CLNS1A: variants seen among roughly 807,000 people sequenced by gnomAD.
CLNS1A encodes methylosome subunit pICln.
CLNS1A carries 16 observed loss-of-function variants against 29.4 expected under a neutral mutation model. The ratio of observed to expected loss-of-function variants is 0.54; its 90% confidence interval spans 0.37 to 0.83. The LOEUF (loss-of-function observed/expected upper bound fraction) is 0.83, where lower values mean the gene tolerates loss of function less well. Among genes scored for constraint, CLNS1A ranks in the 40% least tolerant of loss-of-function variants. CLNS1A has a pLI of 0.00. For synonymous variants in CLNS1A, 96 were observed against 104.8 expected (o/e 0.92, Z 0.51); for missense variants, 235 against 287.4 (o/e 0.82, Z 1.32).
intron 6 of CLNS1A, among the ~76,000 whole-genome samples, chr11:77,617,399 G>A (rs917945329): frequency 4.8e-5 from 7 of 144,816 alleles, no homozygotes; most frequent in Non-Finnish European, 7.5e-5. Context: ...AAAATTAGCC[G>A]GGTGTGGTGG....
chr11:77,635,111 T>G (rs1226405464), intron 1 of CLNS1A, among the ~76,000 whole-genome samples: 1 of 152,194 alleles, frequency 6.6e-6, no homozygotes. Context: ...AGGCTAAGAA[T>G]TTTTTAAAAG....
At chr11:77,636,700 T>C (rs1959129321) in intron 1 of CLNS1A, among the ~76,000 whole-genome samples, 1 of 152,176 alleles carries the variant, frequency 6.6e-6, no homozygotes. Flanking sequence ...ATCCTGGATT[T>C]TACAGGTGGT....
At chr11:77,631,518 C>T (rs959504792) in intron 1 of CLNS1A, among the ~76,000 whole-genome samples, 2 of 151,622 alleles carry the variant, frequency 1.3e-5, no homozygotes, top group African/African-American at 4.8e-5. Flanking sequence ...GGGGTTTCAC[C>T]GTGTTAGCCA....
intron 1 of CLNS1A, among the ~76,000 whole-genome samples, chr11:77,636,524 C>T (rs1959127459): frequency 6.6e-6 from 1 of 152,162 alleles, no homozygotes; most frequent in Non-Finnish European, 1.5e-5. Flanking sequence ...CCCTTTAAAG[C>T]AGAGGTTCTT....
intron 1 of CLNS1A, among the ~76,000 whole-genome samples, chr11:77,636,364 G>A (rs937353955): frequency 5.3e-5 from 8 of 152,084 alleles, no homozygotes; most frequent in African/African-American, 1.2e-4. Flanking sequence ...CACCGCGCCC[G>A]GCCCAACACG....
intron 6 of CLNS1A, 159 bp downstream of exon 6, chr11:77,619,447 G>C: frequency 3.4e-6 from 2 of 585,666 alleles, no homozygotes; most frequent in Non-Finnish European, 3.1e-6. Context: ...CAGGTGGATT[G>C]CTTGAGTTCA....
chr11:77,627,292 A>C (rs1480519554), intron 2 of CLNS1A, among the ~76,000 whole-genome samples: 2 of 151,294 alleles, frequency 1.3e-5, no homozygotes, highest in African/African-American at 4.9e-5. Flanking sequence ...AAAAAAAATT[A>C]GCGGGGCGTG....
intron 1 of CLNS1A, among the ~76,000 whole-genome samples, chr11:77,636,420 T>C (rs1027095717): frequency 1.3e-5 from 2 of 152,228 alleles, no homozygotes; most frequent in Admixed American, 1.3e-4. Context: ...AAACTCATTA[T>C]CTGCCTCTCA....
Position 77,637,703 on chromosome 11 carries a change from G to A in CLNS1A, c.12C>T (p.Leu4=), listed in dbSNP as rs1481581967. ...CTGGCCCAGGCGGCGGGAAACTTTT[G>A]AGGAAGCTCATAGCAGCAGAGTGCG... MSF[L]KSFPPPGPAE... is the part of the protein sequence containing the mutation. Residue 4 remains leucine, a synonymous_variant, in exon 1 of 7, where the codon CTC becomes CTT. Coordinates refer to ENST00000525428, the MANE Select transcript of CLNS1A (RefSeq NM_001293.3). The A allele has an allele frequency of 3.9e-6, 6 of 1,558,068 alleles. No individual in the cohort carries two copies. The East Asian group carries it at 1.2e-4, about 31-fold the overall frequency.
intron 1 of CLNS1A, among the ~76,000 whole-genome samples, chr11:77,632,563 T>G (rs1310170874): frequency 6.6e-6 from 1 of 152,184 alleles, no homozygotes; most frequent in Non-Finnish European, 1.5e-5. Flanking sequence ...GGATTATGCA[T>G]TCTATAGGAC....
At chr11:77,625,856 C>A in intron 2 of CLNS1A, 38 bp from the exon 3 acceptor site, 1 of 1,439,838 alleles carries the variant, frequency 6.9e-7, no homozygotes, top group Non-Finnish European at 9.5e-7. Context: ...CATTATTTGA[C>A]TTTAAAAAAA....
intron 1 of CLNS1A, among the ~76,000 whole-genome samples, chr11:77,630,291 G>A (rs1590802155): frequency 6.6e-6 from 1 of 152,056 alleles, no homozygotes; most frequent in Non-Finnish European, 1.5e-5. Flanking sequence ...TTTCTGATTT[G>A]CAAATTTTAG....
chr11:77,632,128 T>C (rs573311972), intron 1 of CLNS1A, among the ~76,000 whole-genome samples: 19 of 152,200 alleles, frequency 1.2e-4, no homozygotes, highest in Non-Finnish European at 2.9e-5. Context: ...CAAAGAAACA[T>C]TGTATTATGT....
In CLNS1A at chr11:77,622,691, T is replaced by C; in HGVS notation, c.473-18A>G. 1 of 1,539,096 alleles carries C rather than the reference T, an allele frequency of 6.5e-7. No individual in the cohort carries two copies. Among genetic ancestry groups the C allele is most frequent in the Non-Finnish European group, 8.7e-7 (1 of 1,146,034 alleles). On this transcript the variant is annotated intron_variant, in intron 4 of 6. Transcript: ENST00000525428. ...TCCTTGTTCTAAACAAACAGAAAAC[T>C]TTAAAGTTTAAATACAACAATTAGA...
At chr11:77,635,433 C>T (rs567350066) in intron 1 of CLNS1A, among the ~76,000 whole-genome samples, 160 of 151,002 alleles carry the variant, frequency 1.1e-3, no homozygotes, top group Admixed American at 1.9e-3. Context: ...CTTACTACAA[C>T]CTCCGCCTCT....
At chr11:77,637,338 G>GAAAAAAA (rs57598480) in intron 1 of CLNS1A, among the ~76,000 whole-genome samples, 1 of 107,380 alleles carries the variant, frequency 9.3e-6, no homozygotes, top group Admixed American at 9.6e-5. Context: ...AGGAAAAAAA[G>GAAAAAAA]AAAAAAAAAA....
chr11:77,622,311 G>A, intron 5 of CLNS1A, 189 bp downstream of exon 5: 2 of 567,744 alleles, frequency 3.5e-6, no homozygotes, highest in Non-Finnish European at 6.0e-6. Flanking sequence ...AGACTTTTTT[G>A]GTAATGAGGA....
At chr11:77,627,048 A>G (rs1242260056) in intron 2 of CLNS1A, among the ~76,000 whole-genome samples, 2 of 151,890 alleles carry the variant, frequency 1.3e-5, no homozygotes, top group African/African-American at 4.8e-5. Context: ...GAAAAAAAAA[A>G]AACTTAGAGC....
chr11:77,635,898 T>A (rs1163975646), intron 1 of CLNS1A, among the ~76,000 whole-genome samples: 1 of 152,206 alleles, frequency 6.6e-6, no homozygotes, highest in Non-Finnish European at 1.5e-5. Context: ...TCCTTCCTCC[T>A]TTCTCAAGTT....
Sources: gnomAD v4.1 joint callset for allele counts (sites outside exome capture counted in the v4.1 genomes callset) on GRCh38, gnomAD v4.1.1 for gene constraint, MANE v1.5 for transcripts, NCBI Gene and HGNC (gene_info 2026-07-23, HGNC 2026-07-21) for gene names.